PJA2: variants seen among roughly 807,000 people sequenced by gnomAD.
The protein encoded by PJA2 is praja ring finger ubiquitin ligase 2.
In PJA2, 25 loss-of-function variants were observed where a neutral mutation model predicts 69.3. The ratio of observed to expected loss-of-function variants is 0.36; its 90% CI spans 0.26 to 0.50. PJA2 has a LOEUF of 0.50. PJA2 is among the 20% of genes least tolerant of loss of function. The probability of loss-of-function intolerance (pLI) is 0.96; values close to 1 mark genes in which losing one functional copy is unlikely to be tolerated. For synonymous variants in PJA2, 308 were observed against 277.8 expected, an observed-to-expected ratio of 1.11 and a Z score of -1.08; for missense variants, 809 against 830.2, an observed-to-expected ratio of 0.97 and a Z score of 0.31.
intron 1 of PJA2, among the ~76,000 whole-genome samples, chr5:109,391,539 G>T (rs1747282616): frequency 6.6e-6 from 1 of 151,192 alleles, no homozygotes; most frequent in Non-Finnish European, 1.5e-5. Context: ...TTGTTTCCTG[G>T]CTTCCACAGT....
At chr5:109,377,630 T>G (rs951556155) in intron 4 of PJA2, among the ~76,000 whole-genome samples, 1 of 152,140 alleles carries the variant, frequency 6.6e-6, no homozygotes, top group Non-Finnish European at 1.5e-5. Context: ...GGAAGTTATA[T>G]AATGCTCTGT....
At chr5:109,346,629 C>T in intron 7 of PJA2, among the ~76,000 whole-genome samples, 1 of 152,270 alleles carries the variant, frequency 6.6e-6, no homozygotes, top group African/African-American at 2.4e-5. Flanking sequence ...ACCTTGAAGA[C>T]ATTATGCTAA....
intron 1 of PJA2, among the ~76,000 whole-genome samples, chr5:109,392,490 G>A (rs1016924838): frequency 6.6e-6 from 1 of 151,518 alleles, no homozygotes; most frequent in African/African-American, 2.4e-5. Flanking sequence ...GAACCCAGGA[G>A]GTGGAGGTTG....
chr5:109,406,906 C>A (rs1747703388), intron 1 of PJA2, among the ~76,000 whole-genome samples: 1 of 152,098 alleles, frequency 6.6e-6, no homozygotes, highest in African/African-American at 2.4e-5. Context: ...TCCTGAAAAA[C>A]ATGCCAAGAG....
At chr5:109,355,638 T>C (rs1323045506) in intron 7 of PJA2, among the ~76,000 whole-genome samples, 1 of 152,204 alleles carries the variant, frequency 6.6e-6, no homozygotes, top group Non-Finnish European at 1.5e-5. Context: ...CTCATACTTG[T>C]ATAATTCAAT....
intron 6 of PJA2, among the ~76,000 whole-genome samples, chr5:109,360,443 T>A (rs540794385): frequency 2.0e-5 from 3 of 152,320 alleles, no homozygotes; most frequent in Middle Eastern, 3.4e-3. Context: ...GCTTCACTTT[T>A]TTCTAAGCAG....
chr5:109,394,435 T>G (rs768323219), intron 1 of PJA2, among the ~76,000 whole-genome samples: 11 of 152,338 alleles, frequency 7.2e-5, no homozygotes, highest in East Asian at 1.9e-4. Context: ...ATAAGCACAG[T>G]GCAATAAAAA....
intron 6 of PJA2, 107 bp from the exon 7 acceptor site, chr5:109,356,133 T>TG: frequency 1.4e-6 from 1 of 720,988 alleles, no homozygotes; most frequent in Non-Finnish European, 2.3e-6. Context: ...AAACATGCTG[T>TG]GAACAGAAGA....
At chr5:109,353,693 T>G (rs1404447845) in intron 7 of PJA2, among the ~76,000 whole-genome samples, 1 of 146,788 alleles carries the variant, frequency 6.8e-6, no homozygotes, top group Non-Finnish European at 1.5e-5. Flanking sequence ...ATTAGATACC[T>G]ATTATATCTA....
intron 7 of PJA2, among the ~76,000 whole-genome samples, chr5:109,350,915 G>A (rs986449937): frequency 2.0e-5 from 3 of 151,968 alleles, no homozygotes; most frequent in Non-Finnish European, 1.5e-5. Flanking sequence ...ATCTTTCTTC[G>A]AACTGATCCA....
intron 7 of PJA2, among the ~76,000 whole-genome samples, chr5:109,354,082 A>C (rs1276766559): frequency 3.2e-5 from 4 of 124,390 alleles, no homozygotes; most frequent in Non-Finnish European, 3.4e-5. Context: ...TCTATAGATT[A>C]GATATCTATA....
chr5:109,393,014 T>C (rs572179285), intron 1 of PJA2, among the ~76,000 whole-genome samples: 17 of 152,262 alleles, frequency 1.1e-4, no homozygotes, highest in Non-Finnish European at 2.2e-4. Flanking sequence ...AAATGGAATT[T>C]AAAATTTCCA....
In PJA2 at chr5:109,378,492, C is replaced by G; in HGVS notation, c.995G>C (p.Gly332Ala). The G allele has an allele frequency of 6.2e-7, 1 of 1,614,174 alleles. No homozygotes were observed. Among genetic ancestry groups the G allele is most frequent in the Non-Finnish European group, 8.5e-7 (1 of 1,180,026 alleles). The change falls in exon 4 of 10, where the codon GGT becomes GCT. Residue 332 changes from glycine to alanine, a missense_variant. Gly to Ala is a moderately conservative substitution (Grantham distance 60, BLOSUM62 0). This residue lies in a region of PJA2 where 700 missense variants were observed against 639.5 expected (regional missense o/e 1.09). Coordinates refer to ENST00000361189, the MANE Select transcript of PJA2 (RefSeq NM_014819.5). ...ISSSQVDQET[G>A]FNRHEAKQRS... ...TTGTTTCGCCTCATGCCTATTAAAA[C>G]CTGTTTCTTGGTCCACCTGGCTTGA...
intron 1 of PJA2, among the ~76,000 whole-genome samples, chr5:109,392,951 TA>T (rs1013908772): frequency 9.0e-5 from 13 of 144,156 alleles, no homozygotes; most frequent in Non-Finnish European, 1.7e-4. Context: ...AAGATTTTTT[TA>T]AAGCAGGCAA....
chr5:109,348,246 T>C (rs1762198761), intron 7 of PJA2, among the ~76,000 whole-genome samples: 1 of 152,120 alleles, frequency 6.6e-6, no homozygotes, highest in Non-Finnish European at 1.5e-5. Flanking sequence ...CTTGTGCACT[T>C]ACAGAAAAAA....
At chr5:109,354,585 T>TA (rs995852451) in intron 7 of PJA2, among the ~76,000 whole-genome samples, 5 of 134,440 alleles carry the variant, frequency 3.7e-5, no homozygotes, top group African/African-American at 5.3e-5. Context: ...TATAGATATC[T>TA]ATATCGATAT....
chr5:109,348,985 AAG>A (rs1582586874), intron 7 of PJA2, among the ~76,000 whole-genome samples: 1 of 152,290 alleles, frequency 6.6e-6, no homozygotes, highest in East Asian at 1.9e-4. Context: ...GTCTTTATAT[AAG>A]AGAATATTCA....
intron 1 of PJA2, among the ~76,000 whole-genome samples, chr5:109,395,106 G>C (rs1747377065): frequency 6.6e-6 from 1 of 152,164 alleles, no homozygotes; most frequent in Admixed American, 6.5e-5. Flanking sequence ...CCAGTTGAAA[G>C]TCACCTCACT....
intron 4 of PJA2, among the ~76,000 whole-genome samples, chr5:109,375,326 A>G (rs1746836788): frequency 6.6e-6 from 1 of 152,052 alleles, no homozygotes; most frequent in Non-Finnish European, 1.5e-5. Context: ...CATGACCAAC[A>G]TGGTGAAACC....
Sources: allele counts gnomAD v4.1 joint callset (sites outside exome capture counted in the v4.1 genomes callset), GRCh38; gene constraint gnomAD v4.1.1; regional missense constraint gnomAD v4.1.1; transcripts MANE v1.5; gene names NCBI Gene and HGNC (gene_info 2026-07-23, HGNC 2026-07-21).